DOCK5: variants seen among roughly 807,000 people sequenced by gnomAD.
DOCK5 encodes the protein dedicator of cytokinesis protein 5.
A neutral mutation model predicts 251.8 loss-of-function variants in DOCK5; 142 were observed. The ratio of observed to expected loss-of-function variants is 0.56; its 90% CI spans 0.49 to 0.65. DOCK5 has a LOEUF of 0.65. DOCK5 is among the 30% of genes least tolerant of loss of function. DOCK5 has a pLI of 0.00. For synonymous variants in DOCK5, 842 were observed against 835.5 expected, an observed-to-expected ratio of 1.01 and a Z score of -0.13; for missense variants, 2,111 against 2,312.3, an observed-to-expected ratio of 0.91 and a Z score of 1.79.
At chr8:25,374,108 G>A (rs891382803) in intron 36 of DOCK5, among the ~76,000 whole-genome samples, 6 of 152,192 alleles carry the variant, frequency 3.9e-5, no homozygotes, top group Admixed American at 3.9e-4. Context: ...CTGCCTTAAA[G>A]AAAGAAGAGA....
chr8:25,186,892 C>T (rs1041538595), intron 1 of DOCK5, among the ~76,000 whole-genome samples: 13 of 151,922 alleles, frequency 8.6e-5, no homozygotes, highest in Non-Finnish European at 5.9e-5. Flanking sequence ...TTTACTGTGT[C>T]ACTTATCAGT....
chr8:25,370,044 A>T (rs1411296214), intron 34 of DOCK5, among the ~76,000 whole-genome samples: 2 of 152,242 alleles, frequency 1.3e-5, no homozygotes, highest in African/African-American at 4.8e-5. Flanking sequence ...GGACCCATAA[A>T]GGACATATAA....
intron 1 of DOCK5, among the ~76,000 whole-genome samples, chr8:25,220,012 T>G (rs889255779): frequency 6.7e-6 from 1 of 149,366 alleles, no homozygotes; most frequent in Admixed American, 6.9e-5. Flanking sequence ...TCTTCTTCTT[T>G]TTTTTTTGTC....
chr8:25,322,202 C>T (rs1046998319), intron 16 of DOCK5, among the ~76,000 whole-genome samples: 1 of 152,198 alleles, frequency 6.6e-6, no homozygotes, highest in Admixed American at 6.5e-5. Flanking sequence ...TGGACACTCC[C>T]ACGCAGAGTC....
chr8:25,280,353 ACTGGGAATAC>A (rs1309920502), intron 5 of DOCK5, among the ~76,000 whole-genome samples: 1 of 152,224 alleles, frequency 6.6e-6, no homozygotes, highest in African/African-American at 2.4e-5. Context: ...TTAATAAGTT[ACTGGGAATAC>A]CTCACTCTAG....
rs562885050 is a variant in DOCK5 at position 25,374,514 on chromosome 8, C to T, written c.3726-50C>T. 1.1e-5 allele frequency: 17 copies of T among 1,540,026 alleles called. No homozygotes were observed. In the East Asian group the frequency reaches 2.0e-4, roughly 18 times the overall value. ...CCTGTCTCAAAACAGAACTAAAAAA[C>T]CTATAAAACTCTCGAGTGACAAAAT... On this transcript the variant is annotated intron_variant, in intron 36 of 51. Coordinates refer to ENST00000276440, the MANE Select transcript of DOCK5 (RefSeq NM_024940.8).
intron 2 of DOCK5, among the ~76,000 whole-genome samples, chr8:25,247,715 C>T (rs1803154103): frequency 6.6e-6 from 1 of 152,198 alleles, no homozygotes. Context: ...GGTCACTGAG[C>T]TTAGTTGAAT....
chr8:25,410,471 A>AG (rs1368336408), intron 51 of DOCK5, among the ~76,000 whole-genome samples: 5 of 151,362 alleles, frequency 3.3e-5, no homozygotes, highest in Non-Finnish European at 4.4e-5. Context: ...TCACCTTTTT[A>AG]GGGGGGCGGG....
intron 4 of DOCK5, among the ~76,000 whole-genome samples, chr8:25,277,647 G>A (rs1804080225): frequency 6.6e-6 from 1 of 152,100 alleles, no homozygotes; most frequent in Admixed American, 6.6e-5. Flanking sequence ...TGGGCCGTGG[G>A]CTGCCTCCAC....
rs139354220 is a variant in DOCK5, at chr8:25,225,637, C to T, written c.44-18037C>T. Among the ~76,000 whole-genome samples, 217 of 149,388 alleles carry T rather than the reference C, an allele frequency of 1.5e-3. 7 individuals carry two copies. In the East Asian group the frequency reaches 0.041, roughly 28 times the overall value. On this transcript the variant is annotated intron_variant, in intron 1 of 51. Transcript: ENST00000276440. ...AGGAGAATGGCATGAACCCGGGATG[C>T]GGAGCTTGCAGTGAGCCGAGATCTC...
chr8:25,185,379 G>GC (rs762977086), intron 1 of DOCK5, among the ~76,000 whole-genome samples: 194 of 152,192 alleles, frequency 1.3e-3, no homozygotes, highest in Middle Eastern at 6.8e-3. Context: ...AGTGCTTTCT[G>GC]CCCCCCGCTT....
In DOCK5 at chr8:25,323,571, C is replaced by T. The variant is rs994433447; in HGVS notation, c.1616-277C>T. Among the ~76,000 whole-genome samples the T allele has an allele frequency of 5.9e-5, 9 of 152,066 alleles. No individual in the cohort carries two copies. In the South Asian group the frequency reaches 8.3e-4, roughly 14 times the overall value. On this transcript the variant is annotated intron_variant, in intron 16 of 51. Coordinates refer to ENST00000276440, the MANE Select transcript of DOCK5 (RefSeq NM_024940.8). ...AGAGCTGTTTAGGACATGGAGTTGA[C>T]GTGGGGTGGAGTTGGTGTCAACACC...
At chr8:25,370,498 A>G (rs1212837232) in intron 34 of DOCK5, among the ~76,000 whole-genome samples, 4 of 117,294 alleles carry the variant, frequency 3.4e-5, no homozygotes, top group African/African-American at 5.8e-5. Context: ...TATTATTACA[A>G]TTTGTTTTTG....
intron 2 of DOCK5, among the ~76,000 whole-genome samples, chr8:25,261,279 T>C (rs922408176): frequency 6.6e-6 from 1 of 152,226 alleles, no homozygotes; most frequent in African/African-American, 2.4e-5. Context: ...AATACCCTGC[T>C]TTCCTAACAT....
intron 1 of DOCK5, among the ~76,000 whole-genome samples, chr8:25,225,126 G>A (rs993043392): frequency 1.3e-5 from 2 of 152,144 alleles, no homozygotes; most frequent in Non-Finnish European, 2.9e-5. Flanking sequence ...TGGAGAAATT[G>A]GAACTCTTGT....
chr8:25,345,654 C>T (rs1476893583), intron 26 of DOCK5, 43 bp downstream of exon 26: 1 of 1,604,580 alleles, frequency 6.2e-7, no homozygotes, highest in Admixed American at 1.7e-5. Context: ...TTCACACTGT[C>T]CCCTTTGCAC....
intron 1 of DOCK5, among the ~76,000 whole-genome samples, chr8:25,221,664 A>G (rs1802394696): frequency 6.6e-6 from 1 of 152,090 alleles, no homozygotes; most frequent in African/African-American, 2.4e-5. Flanking sequence ...CATCTCCATC[A>G]CCATCCCATC....
At position 25,345,579 on chromosome 8, in the gene DOCK5, A is replaced by G; in HGVS notation, c.2722A>G (p.Asn908Asp). Reference sequence around the variant, plus strand: ...CGAGGCAAGCTCGCAGCTTCTGAGCAACATCCTGGAGGTGCTGGACAGGAA... The same window carrying G: ...CGAGGCAAGCTCGCAGCTTCTGAGCGACATCCTGGAGGTGCTGGACAGGAA... ...DHEASSQLLS[N>D]ILEVLDRKDV... Residue 908 changes from asparagine to aspartate, a missense_variant, in exon 26 of 52, where the codon AAC becomes GAC. Around this residue, in one of 3 missense-constraint regions of DOCK5, gnomAD observed 1,717 missense variants for 1,892.4 expected, o/e 0.91. Coordinates refer to ENST00000276440, the MANE Select transcript of DOCK5 (RefSeq NM_024940.8). The G allele has an allele frequency of 6.2e-7, 1 of 1,613,928 alleles. No individual in the cohort carries two copies. Among genetic ancestry groups the G allele is most frequent in the Non-Finnish European group, 8.5e-7 (1 of 1,179,892 alleles).
At chr8:25,205,811 C>T (rs1801987342) in intron 1 of DOCK5, among the ~76,000 whole-genome samples, 1 of 152,118 alleles carries the variant, frequency 6.6e-6, no homozygotes, top group Non-Finnish European at 1.5e-5. Context: ...ACCGATTCAC[C>T]AGGTATCTGA....
Sources: gnomAD v4.1 joint callset for allele counts (sites outside exome capture counted in the v4.1 genomes callset) on GRCh38, gnomAD v4.1.1 for gene constraint, gnomAD v4.1.1 regional missense constraint, MANE v1.5 for transcripts, NCBI Gene and HGNC (gene_info 2026-07-23, HGNC 2026-07-21) for gene names.